PTPRK: variants seen among roughly 807,000 people sequenced by gnomAD.
PTPRK encodes the protein protein tyrosine phosphatase receptor type K, also known as receptor-type tyrosine-protein phosphatase kappa.
A neutral mutation model predicts 178.0 loss-of-function variants in PTPRK; 75 were observed. The ratio of observed to expected loss-of-function variants is 0.42; its 90% confidence interval spans 0.35 to 0.51. PTPRK has a LOEUF of 0.51. Among genes scored for constraint, PTPRK ranks in the 20% least tolerant of loss-of-function variants. PTPRK has a pLI of 0.02. For missense variants in PTPRK, 1,441 were observed against 1,797.8 expected (o/e 0.80, Z 3.59); for synonymous variants, 637 against 620.6 (o/e 1.03, Z -0.39).
At position 128,355,492 on chromosome 6, in the gene PTPRK, C is replaced by T. The variant is rs373452463; in HGVS notation, c.224-33182G>A. 2.0e-5 allele frequency among the ~76,000 whole-genome samples: 3 copies of T among 152,240 alleles called. No individual in the cohort carries two copies. In the South Asian group the frequency reaches 6.2e-4, roughly 32 times the overall value. Reference sequence around the variant, plus strand: ...GGGCCTATTGTGTGTAAAATAGCCTCTCTTTACCGAATATTAATAATATAC... The same window carrying T: ...GGGCCTATTGTGTGTAAAATAGCCTTTCTTTACCGAATATTAATAATATAC... On this transcript the variant is annotated intron_variant, in intron 2 of 29. Coordinates refer to ENST00000368226, the MANE Select transcript of PTPRK (RefSeq NM_002844.4).
chr6:127,998,848 G>A lies in PTPRK; in HGVS notation c.2551C>T (p.Leu851Phe). ...TAAGGGGATTCCGTCCCCTCACAGA[G>A]GTAGCGAGGTACGTCTAGAAGGCGA... ...SSRLLDVPRY[L>F]CEGTESPYQT... Residue 851 changes from leucine to phenylalanine, a missense_variant, in exon 16 of 30, where the codon CTC becomes TTC. By Grantham distance (22) the Leu-to-Phe change is conservative. This residue lies in a region of PTPRK where 945 missense variants were observed against 1,080.6 expected (regional missense o/e 0.87). Coordinates refer to ENST00000368226, the MANE Select transcript of PTPRK (RefSeq NM_002844.4). 1 of 1,604,826 alleles carries A rather than the reference G, an allele frequency of 6.2e-7. No homozygotes were observed. The highest frequency in any genetic ancestry group is 8.5e-7 in the Non-Finnish European group (1 of 1,174,150).
intron 3 of PTPRK, among the ~76,000 whole-genome samples, chr6:128,309,885 A>G (rs1562258771): frequency 7.5e-6 from 1 of 132,470 alleles, no homozygotes; most frequent in Non-Finnish European, 1.7e-5. Context: ...AAAATGGTTT[A>G]AGTAATCTCC....
At position 128,520,254 on chromosome 6, in the gene PTPRK, C is replaced by T; in HGVS notation, c.100+5G>A. 1 of 1,584,934 alleles carries T rather than the reference C, an allele frequency of 6.3e-7. No individual in the cohort carries two copies. The highest frequency in any genetic ancestry group is 8.6e-7 in the Non-Finnish European group (1 of 1,165,016). ...GTTCGTCGGGGACGCCCCCCGGCCA[C>T]TCACCTGCGGAGAACTGGCCTTGGG... On this transcript the variant is annotated splice_donor_5th_base_variant and intron_variant, in intron 1 of 29. Transcript: ENST00000368226.
intron 13 of PTPRK, among the ~76,000 whole-genome samples, chr6:128,030,618 C>T (rs776178214): frequency 7.2e-5 from 11 of 152,110 alleles, no homozygotes; most frequent in South Asian, 2.1e-4. Flanking sequence ...CCTTTATATG[C>T]GTGACTCTGA....
intron 2 of PTPRK, among the ~76,000 whole-genome samples, chr6:128,344,388 C>A (rs1427235039): frequency 6.6e-6 from 1 of 152,146 alleles, no homozygotes; most frequent in Non-Finnish European, 1.5e-5. Flanking sequence ...AATTCGCTAA[C>A]AATTGGAGAT....
chr6:128,215,245 G>C (rs1809052378), intron 6 of PTPRK, among the ~76,000 whole-genome samples: 1 of 152,168 alleles, frequency 6.6e-6, no homozygotes, highest in African/African-American at 2.4e-5. Context: ...GATGTAAGTG[G>C]GTCTTCGGTT....
At chr6:128,280,836 T>G (rs1221419126) in intron 3 of PTPRK, among the ~76,000 whole-genome samples, 1 of 152,196 alleles carries the variant, frequency 6.6e-6, no homozygotes, top group African/African-American at 2.4e-5. Context: ...TGGAAAATGC[T>G]AATAAATTAA....
intron 5 of PTPRK, 23 bp from the exon 6 acceptor site, chr6:128,219,119 A>C (rs1188797434): frequency 6.3e-7 from 1 of 1,580,572 alleles, no homozygotes; most frequent in South Asian, 1.1e-5. Flanking sequence ...ACCAATCTTT[A>C]AAAACAGGTT....
At chr6:128,354,085 A>C (rs888324688) in intron 2 of PTPRK, among the ~76,000 whole-genome samples, 4 of 152,088 alleles carry the variant, frequency 2.6e-5, no homozygotes, top group African/African-American at 9.7e-5. Context: ...AGTAGTTTGA[A>C]TAATGCTACC....
intron 7 of PTPRK, among the ~76,000 whole-genome samples, chr6:128,155,944 T>C (rs891567181): frequency 6.6e-5 from 10 of 151,962 alleles, no homozygotes; most frequent in Non-Finnish European, 1.3e-4. Flanking sequence ...TCCTAACTTA[T>C]GTGGTGAACA....
intron 1 of PTPRK, among the ~76,000 whole-genome samples, chr6:128,448,943 T>A (rs1156291838): frequency 6.6e-6 from 1 of 152,078 alleles, no homozygotes; most frequent in Non-Finnish European, 1.5e-5. Flanking sequence ...CATTGCAACC[T>A]CCGCCTCCTG....
chr6:128,519,205 G>C lies in PTPRK; in HGVS notation c.100+1054C>G, dbSNP rs1858586514. The C allele has an allele frequency of 6.7e-6, 3 of 450,382 alleles. No homozygotes were observed. Among genetic ancestry groups the C allele is most frequent in the Non-Finnish European group, 1.4e-5 (3 of 219,804 alleles). The allele number at this position is 450,382 out of a possible 1,614,324, so 27.9% of individuals were successfully genotyped here. On this transcript the variant is annotated intron_variant, in intron 1 of 29. Coordinates refer to ENST00000368226, the MANE Select transcript of PTPRK (RefSeq NM_002844.4). This position sits in a 1 kb window ranked among gnomAD's most constrained non-coding sequence, Gnocchi z 4.3. ...GAGGTAGACAAGTGCTCGGGAGCCCGCTCCCCAGCGTCCACCTGGTGAAAC... is the reference window on the plus strand; with the variant it reads ...GAGGTAGACAAGTGCTCGGGAGCCCCCTCCCCAGCGTCCACCTGGTGAAAC...
rs1302356036 is a variant in PTPRK at position 127,969,182 on chromosome 6, C to T, written c.*1045G>A. 1.3e-5 allele frequency: 2 copies of T among 152,150 alleles called. No individual in the cohort carries two copies. 9.4% of individuals were successfully genotyped at this position (152,150 alleles called of 1,614,324 possible). ...GGGCCACAGGCTGAAAAACTCCATT[C>T]CTTTAAAATTTAAATGATGCTTAAA... On this transcript the variant is annotated 3_prime_UTR_variant, in exon 30 of 30. Transcript: ENST00000368226.
intron 7 of PTPRK, among the ~76,000 whole-genome samples, chr6:128,162,670 G>A (rs1798863708): frequency 6.6e-6 from 1 of 151,714 alleles, no homozygotes. Context: ...CTATTAGGGA[G>A]AGGTCCATTA....
chr6:128,397,861 T>C (rs1468477212), intron 1 of PTPRK, among the ~76,000 whole-genome samples, 173 bp from the exon 2 acceptor site: 1 of 152,232 alleles, frequency 6.6e-6, no homozygotes, highest in Non-Finnish European at 1.5e-5. Flanking sequence ...AATAAATGTC[T>C]ATCAGTACTT....
intron 18 of PTPRK, 65 bp from the exon 19 acceptor site, chr6:127,992,774 T>C: frequency 7.6e-7 from 1 of 1,317,620 alleles, no homozygotes; most frequent in Non-Finnish European, 1.1e-6. Flanking sequence ...AATGAAGGCA[T>C]AAAAAGATGA....
At chr6:128,001,780 T>C (rs1325710574) in intron 15 of PTPRK, among the ~76,000 whole-genome samples, 1 of 151,998 alleles carries the variant, frequency 6.6e-6, no homozygotes. Flanking sequence ...ACTTGGACTT[T>C]ACATATGTGT....
chr6:128,214,475 C>T (rs1200607176), intron 6 of PTPRK, among the ~76,000 whole-genome samples: 5 of 152,082 alleles, frequency 3.3e-5, no homozygotes, highest in African/African-American at 7.2e-5. Context: ...ACACTGTTTA[C>T]GCTCTGGAGT....
intron 13 of PTPRK, among the ~76,000 whole-genome samples, chr6:128,024,827 C>A (rs1479072373): frequency 6.6e-6 from 1 of 151,970 alleles, no homozygotes; most frequent in African/African-American, 2.4e-5. Context: ...AAAACAACAA[C>A]AACAACAAAC....
Sources: gnomAD v4.1 joint callset for allele counts (sites outside exome capture counted in the v4.1 genomes callset) on GRCh38, gnomAD v4.1.1 for gene constraint, gnomAD v4.1.1 regional missense constraint, Gnocchi (gnomAD v3.1) non-coding constraint, MANE v1.5 for transcripts, NCBI Gene and HGNC (gene_info 2026-07-23, HGNC 2026-07-21) for gene names.